The following GNG7 variants were observed in gnomAD, a reference collection of about 807,000 sequenced individuals.
The protein encoded by GNG7 is guanine nucleotide-binding protein G(I)/G(S)/G(O) subunit gamma-7.
Under a neutral mutation model 4.0 loss-of-function variants are expected in GNG7, and 1 was observed. The ratio of observed to expected loss-of-function variants is 0.25; its 90% CI spans 0.09 to 1.18. The LOEUF (loss-of-function observed/expected upper bound fraction) is 1.18, where lower values mean the gene tolerates loss of function less well. GNG7 is among the 50% of genes most tolerant of loss of function. The pLI, the probability that GNG7 is intolerant of heterozygous loss-of-function variation, is 0.50. For synonymous variants in GNG7, 34 were observed against 36.9 expected (o/e 0.92, Z 0.29); for missense variants, 86 against 91.9 (o/e 0.94, Z 0.26).
At chr19:2,643,759 C>T (rs958879901) in intron 2 of GNG7, 9 of 406,314 alleles carry the variant, frequency 2.2e-5, no homozygotes, top group African/African-American at 6.2e-5. Flanking sequence ...AATCTTCAAG[C>T]GCACATGGTT....
At chr19:2,697,065 T>G (rs943508403) in intron 1 of GNG7, among the ~76,000 whole-genome samples, 1 of 152,154 alleles carries the variant, frequency 6.6e-6, no homozygotes, top group East Asian at 1.9e-4. Context: ...GGTCTCGAAC[T>G]CCTGACCTCA....
At chr19:2,582,033 A>G (rs916683572) in intron 2 of GNG7, among the ~76,000 whole-genome samples, 5 of 152,224 alleles carry the variant, frequency 3.3e-5, no homozygotes, top group Non-Finnish European at 7.3e-5. Context: ...TACTTTGCCA[A>G]AGGGACGAGA....
At chr19:2,589,639 A>G (rs1260148529) in intron 2 of GNG7, among the ~76,000 whole-genome samples, 1 of 152,094 alleles carries the variant, frequency 6.6e-6, no homozygotes, top group Non-Finnish European at 1.5e-5. Flanking sequence ...TGATGGCAGC[A>G]GTAAGGAAAT....
At chr19:2,687,268 C>T (rs554063880) in intron 1 of GNG7, among the ~76,000 whole-genome samples, 38 of 152,130 alleles carry the variant, frequency 2.5e-4, no homozygotes, top group African/African-American at 9.2e-4. Context: ...CTATGTTGTC[C>T]AGGCTGGTCT....
intron 1 of GNG7, among the ~76,000 whole-genome samples, chr19:2,685,170 C>T (rs1983841264): frequency 6.6e-6 from 1 of 151,254 alleles, no homozygotes; most frequent in South Asian, 2.1e-4. Context: ...GATGGGAGTG[C>T]CAGGGGCTGG....
chr19:2,567,246 G>T (rs981563698), intron 2 of GNG7, among the ~76,000 whole-genome samples: 4 of 151,738 alleles, frequency 2.6e-5, no homozygotes, highest in African/African-American at 9.7e-5. Context: ...CAAGTCATTG[G>T]GTTGGCCGTG....
At chr19:2,692,506 G>T (rs1163019769) in intron 1 of GNG7, among the ~76,000 whole-genome samples, 1 of 151,772 alleles carries the variant, frequency 6.6e-6, no homozygotes, top group Non-Finnish European at 1.5e-5. Flanking sequence ...GTGGTGGCGG[G>T]CGTCTGTAGT....
intron 2 of GNG7, among the ~76,000 whole-genome samples, chr19:2,555,797 T>G (rs896802606): frequency 3.9e-5 from 6 of 152,034 alleles, no homozygotes; most frequent in African/African-American, 1.4e-4. Context: ...TCGGGGCGGT[T>G]GGGGCCTTTG....
At chr19:2,581,196 C>A (rs550228764) in intron 2 of GNG7, among the ~76,000 whole-genome samples, 2 of 152,014 alleles carry the variant, frequency 1.3e-5, no homozygotes, top group Non-Finnish European at 2.9e-5. Context: ...GTGCCTTCGC[C>A]GCAGGCCCAG....
intron 2 of GNG7, among the ~76,000 whole-genome samples, chr19:2,595,723 A>C (rs1980998064): frequency 6.7e-6 from 1 of 150,232 alleles, no homozygotes; most frequent in African/African-American, 2.4e-5. Flanking sequence ...CAACAGAGTG[A>C]GACTCTGTCT....
chr19:2,680,134 G>GA (rs981179732), intron 1 of GNG7, among the ~76,000 whole-genome samples: 1 of 148,266 alleles, frequency 6.7e-6, no homozygotes, highest in African/African-American at 2.5e-5. Flanking sequence ...ATCATAGTAA[G>GA]ACCTTGTCTC....
At chr19:2,542,424 G>GT in intron 3 of GNG7, among the ~76,000 whole-genome samples, 1 of 152,130 alleles carries the variant, frequency 6.6e-6, no homozygotes, top group South Asian at 2.1e-4. Context: ...CCTGGGGTGG[G>GT]TTTTTTCATT....
At chr19:2,619,331 G>C (rs1001916780) in intron 2 of GNG7, among the ~76,000 whole-genome samples, 1 of 152,204 alleles carries the variant, frequency 6.6e-6, no homozygotes, top group Non-Finnish European at 1.5e-5. Context: ...CATATTGCTT[G>C]TGGTGGCTTT....
chr19:2,559,748 G>A (rs897005167), intron 2 of GNG7, among the ~76,000 whole-genome samples: 52 of 151,326 alleles, frequency 3.4e-4, no homozygotes, highest in Middle Eastern at 3.2e-3. Flanking sequence ...TCTTGACCTC[G>A]TGATCCGCCT....
intron 2 of GNG7, chr19:2,641,956 C>G (rs899267279): frequency 1.3e-5 from 2 of 152,326 alleles, no homozygotes; most frequent in African/African-American, 4.8e-5. Flanking sequence ...TGAGCCACCG[C>G]GCCTGGCCCT....
chr19:2,515,321 A>T (rs1052191263), intron 4 of GNG7, among the ~76,000 whole-genome samples, 174 bp from the exon 5 acceptor site: 9 of 152,180 alleles, frequency 5.9e-5, no homozygotes, highest in African/African-American at 9.7e-5. Context: ...CTCAGCCATG[A>T]AAAGGAGTGA....
intron 3 of GNG7, among the ~76,000 whole-genome samples, chr19:2,550,294 T>C (rs992893707): frequency 6.6e-6 from 1 of 152,320 alleles, no homozygotes; most frequent in African/African-American, 2.4e-5. Context: ...CTCGGCTCAC[T>C]GCAACCTCCG....
chr19:2,620,817 G>A (rs1041223698), intron 2 of GNG7, among the ~76,000 whole-genome samples: 7 of 152,146 alleles, frequency 4.6e-5, no homozygotes, highest in African/African-American at 1.2e-4. Flanking sequence ...CTCTGGCTCC[G>A]GGCAACAGAG....
chr19:2,534,520 T>G (rs10414848), intron 3 of GNG7, among the ~76,000 whole-genome samples: 1 of 152,066 alleles, frequency 6.6e-6, no homozygotes, highest in Non-Finnish European at 1.5e-5. Flanking sequence ...GATGCATGGC[T>G]CCAGGATCAT....
Sources: gnomAD v4.1 joint callset for allele counts (sites outside exome capture counted in the v4.1 genomes callset) on GRCh38, gnomAD v4.1.1 for gene constraint, MANE v1.5 for transcripts, NCBI Gene and HGNC (gene_info 2026-07-23, HGNC 2026-07-21) for gene names.